PPARGC1A: variants seen among roughly 807,000 people sequenced by gnomAD.
The protein encoded by PPARGC1A is peroxisome proliferator-activated receptor gamma coactivator 1-alpha.
A neutral mutation model predicts 88.7 loss-of-function variants in PPARGC1A; 25 were observed. The observed-to-expected ratio is 0.28, with a 90% confidence interval of 0.21 to 0.39. The LOEUF is 0.39. Ranked by LOEUF, PPARGC1A falls within the 10% of genes least tolerant of loss-of-function variation. The pLI is 1.00. For missense variants in PPARGC1A, 880 were observed against 968.7 expected (o/e 0.91, Z 1.22); for synonymous variants, 363 against 355.6 (o/e 1.02, Z -0.24).
At chr4:24,259,864 T>C in the PPARGC1A span, among the ~76,000 whole-genome samples, 1 of 152,088 alleles carries the variant, frequency 6.6e-6, no homozygotes, top group Non-Finnish European at 1.5e-5. Context: ...AAGGAAAAAA[T>C]TAAAACTCCA....
the PPARGC1A span, among the ~76,000 whole-genome samples, chr4:24,111,399 AT>A: frequency 6.6e-6 from 1 of 152,162 alleles, no homozygotes; most frequent in Admixed American, 6.5e-5. Context: ...TTAAAAAGAT[AT>A]TTTTTGACAC....
chr4:24,182,081 A>G, the PPARGC1A span, among the ~76,000 whole-genome samples: 1 of 151,960 alleles, frequency 6.6e-6, no homozygotes, highest in African/African-American at 2.4e-5. Flanking sequence ...TGCTGCACCT[A>G]TCATCCCGTC....
chr4:24,402,261 T>G, the PPARGC1A span, among the ~76,000 whole-genome samples: 1 of 152,166 alleles, frequency 6.6e-6, no homozygotes, highest in African/African-American at 2.4e-5. Context: ...TCCTCAGGGT[T>G]CTTGGACTCT....
chr4:24,217,743 C>T, the PPARGC1A span, among the ~76,000 whole-genome samples: 1 of 152,112 alleles, frequency 6.6e-6, no homozygotes, highest in Non-Finnish European at 1.5e-5. Context: ...GCAGAGGTTG[C>T]AGTGAGCCAA....
chr4:24,371,822 G>A, the PPARGC1A span, among the ~76,000 whole-genome samples: 8 of 151,770 alleles, frequency 5.3e-5, no homozygotes, highest in African/African-American at 9.7e-5. Flanking sequence ...ATGGTGGTGC[G>A]TGCCTGTAGT....
the PPARGC1A span, among the ~76,000 whole-genome samples, chr4:24,269,973 C>A: frequency 6.6e-6 from 1 of 152,072 alleles, no homozygotes; most frequent in South Asian, 2.1e-4. Context: ...ATGAGACACC[C>A]AGCTCTATGG....
At chr4:23,799,342 T>C (rs191113736) in intron 12 of PPARGC1A, among the ~76,000 whole-genome samples, 1 of 152,234 alleles carries the variant, frequency 6.6e-6, no homozygotes, top group South Asian at 2.1e-4. Context: ...CCACTATTTA[T>C]TGAGCACCTA....
chr4:24,309,992 A>C, the PPARGC1A span, among the ~76,000 whole-genome samples: 1 of 152,204 alleles, frequency 6.6e-6, no homozygotes, highest in African/African-American at 2.4e-5. Context: ...AGTAAGGAAA[A>C]ATGTGTCAAG....
chr4:24,123,739 C>T, the PPARGC1A span, among the ~76,000 whole-genome samples: 1 of 151,966 alleles, frequency 6.6e-6, no homozygotes, highest in Non-Finnish European at 1.5e-5. Flanking sequence ...TCTGCTTAAA[C>T]CTGGATCTCT....
chr4:24,063,718 C>T, the PPARGC1A span, among the ~76,000 whole-genome samples: 1 of 152,102 alleles, frequency 6.6e-6, no homozygotes, highest in Non-Finnish European at 1.5e-5. Context: ...AAGAATAATG[C>T]AGGCAGATGC....
Position 23,829,545 on chromosome 4 carries a change from C to A in PPARGC1A, c.470G>T (p.Ser157Ile). 1 of 1,613,484 alleles carries A rather than the reference C, an allele frequency of 6.2e-7. No individual in the cohort carries two copies. Among genetic ancestry groups the A allele is most frequent in the Non-Finnish European group, 8.5e-7 (1 of 1,179,490 alleles). ...ACTGAGACCACTGCATTCATTATAA[C>A]TTAGCTGAGTGTTGGCTGGTGCCAG... ...LLLAPANTQL[S>I]YNECSGLSTQ... Residue 157 changes from serine (S) to isoleucine (I), a missense_variant, in exon 4 of 13, where the codon AGT (serine) becomes ATT (isoleucine). By Grantham distance (142) the Ser-to-Ile change is moderately radical. Coordinates refer to ENST00000264867, the MANE Select transcript of PPARGC1A (RefSeq NM_013261.5).
At chr4:23,873,659 G>T (rs1277821295) in intron 2 of PPARGC1A, among the ~76,000 whole-genome samples, 4 of 152,134 alleles carry the variant, frequency 2.6e-5, no homozygotes, top group African/African-American at 9.7e-5. Flanking sequence ...TGAATAAAAT[G>T]TCCAGCTTTC....
chr4:24,319,759 G>A, the PPARGC1A span, among the ~76,000 whole-genome samples: 3 of 152,236 alleles, frequency 2.0e-5, no homozygotes, highest in South Asian at 6.2e-4. Flanking sequence ...GCAAACATGC[G>A]GGGTCTCCAA....
At chr4:24,099,287 CAAAAAAAAA>C in the PPARGC1A span, among the ~76,000 whole-genome samples, 3 of 66,986 alleles carry the variant, frequency 4.5e-5, no homozygotes, top group Non-Finnish European at 9.9e-5. Context: ...CTCCCTCCTG[CAAAAAAAAA>C]AAAAAAAAAA....
chr4:24,198,320 C>T, the PPARGC1A span, among the ~76,000 whole-genome samples: 3 of 152,186 alleles, frequency 2.0e-5, no homozygotes, highest in Non-Finnish European at 4.4e-5. Flanking sequence ...CCTGCCTCTC[C>T]TCTGTTCAGA....
chr4:24,130,739 A>G, the PPARGC1A span, among the ~76,000 whole-genome samples: 3 of 152,108 alleles, frequency 2.0e-5, no homozygotes, highest in Non-Finnish European at 4.4e-5. Flanking sequence ...AAGTTCTAAC[A>G]TTTGGTGCTT....
At chr4:23,863,903 C>T (rs1270439110) in intron 2 of PPARGC1A, among the ~76,000 whole-genome samples, 3 of 152,286 alleles carry the variant, frequency 2.0e-5, no homozygotes, top group East Asian at 1.9e-4. Flanking sequence ...CGTGCCATCA[C>T]GCCTGGCTAA....
the PPARGC1A span, among the ~76,000 whole-genome samples, chr4:24,373,770 G>A: frequency 6.6e-6 from 1 of 152,184 alleles, no homozygotes; most frequent in African/African-American, 2.4e-5. Flanking sequence ...CTACAGTACT[G>A]AGGTCAGAAT....
the PPARGC1A span, among the ~76,000 whole-genome samples, chr4:24,418,926 G>C: frequency 6.6e-6 from 1 of 152,090 alleles, no homozygotes; most frequent in South Asian, 2.1e-4. Context: ...GTTATTTTCA[G>C]AGTAACTTGT....
Sources: gnomAD v4.1 joint callset for allele counts (sites outside exome capture counted in the v4.1 genomes callset) on GRCh38, gnomAD v4.1.1 for gene constraint, MANE v1.5 for transcripts, NCBI Gene and HGNC (gene_info 2026-07-23, HGNC 2026-07-21) for gene names.